Variants in PLXDC2 observed in about 807,000 individuals in gnomAD.
PLXDC2 encodes the protein plexin domain containing 2.
Under a neutral mutation model 68.9 loss-of-function variants are expected in PLXDC2, and 40 were observed. The ratio of observed to expected loss-of-function variants is 0.58; its 90% confidence interval spans 0.45 to 0.76. The LOEUF is 0.76. Ranked by LOEUF, PLXDC2 falls within the 30% of genes least tolerant of loss-of-function variation. The pLI is 0.00. For missense variants in PLXDC2, 644 were observed against 661.9 expected, an observed-to-expected ratio of 0.97 and a Z score of 0.30; for synonymous variants, 243 against 234.2, an observed-to-expected ratio of 1.04 and a Z score of -0.34.
At chr10:20,222,688 G>T (rs1304139700) in intron 12 of PLXDC2, among the ~76,000 whole-genome samples, 1 of 152,030 alleles carries the variant, frequency 6.6e-6, no homozygotes, top group Non-Finnish European at 1.5e-5. Context: ...TTCTAAAAAC[G>T]CAGATGATCC....
At chr10:19,861,582 T>C (rs1447360526) in intron 1 of PLXDC2, among the ~76,000 whole-genome samples, 1 of 152,210 alleles carries the variant, frequency 6.6e-6, no homozygotes, top group Non-Finnish European at 1.5e-5. Context: ...CTAAATGAGT[T>C]GAGTTCACCT....
At chr10:20,140,809 T>G (rs988390163) in intron 4 of PLXDC2, among the ~76,000 whole-genome samples, 2 of 152,218 alleles carry the variant, frequency 1.3e-5, no homozygotes, top group Admixed American at 1.3e-4. Context: ...CAATATTCCC[T>G]GAATTAGTAA....
At chr10:19,987,713 C>T (rs1485484657) in intron 1 of PLXDC2, among the ~76,000 whole-genome samples, 3 of 151,934 alleles carry the variant, frequency 2.0e-5, no homozygotes, top group East Asian at 1.9e-4. Context: ...AGGCGCCCGC[C>T]ACCACCCCCG....
chr10:20,066,356 T>C (rs1274228947), intron 3 of PLXDC2, among the ~76,000 whole-genome samples: 1 of 152,252 alleles, frequency 6.6e-6, no homozygotes, highest in Non-Finnish European at 1.5e-5. Flanking sequence ...TATTTGGTGG[T>C]AATTGATAGG....
chr10:19,974,420 A>T (rs993660851), intron 1 of PLXDC2, among the ~76,000 whole-genome samples: 8 of 152,262 alleles, frequency 5.3e-5, no homozygotes, highest in African/African-American at 1.7e-4. Context: ...CAACATTAAC[A>T]TGGAAATATG....
rs1049552370 is a variant in PLXDC2 at position 19,996,399 on chromosome 10, A to G, written c.113-5376A>G. On this transcript the variant is annotated intron_variant, in intron 1 of 13. Coordinates refer to ENST00000377252, the MANE Select transcript of PLXDC2 (RefSeq NM_032812.9). ...GGGTTTGAGGCCAGCCTGGGCTACA[A>G]AGTGAGACCCCATCTCTACAAAAAA... Among the ~76,000 whole-genome samples the G allele has an allele frequency of 3.3e-5, 5 of 152,152 alleles. No homozygotes were observed. The East Asian group carries it at 9.7e-4, about 29-fold the overall frequency.
At chr10:20,129,412 C>T (rs939490566) in intron 4 of PLXDC2, among the ~76,000 whole-genome samples, 7 of 152,006 alleles carry the variant, frequency 4.6e-5, no homozygotes, top group African/African-American at 1.7e-4. Flanking sequence ...TTCTCCCATT[C>T]TGTAGGTTTT....
intron 1 of PLXDC2, among the ~76,000 whole-genome samples, chr10:19,882,461 T>C (rs1470398046): frequency 6.6e-6 from 1 of 152,148 alleles, no homozygotes; most frequent in African/African-American, 2.4e-5. Flanking sequence ...AAGAGGTTAG[T>C]GAAGTTTGAA....
At chr10:20,226,419 G>A (rs1158094079) in intron 12 of PLXDC2, among the ~76,000 whole-genome samples, 1 of 152,144 alleles carries the variant, frequency 6.6e-6, no homozygotes, top group African/African-American at 2.4e-5. Context: ...GATTTAAGCT[G>A]TTGACAAATG....
At chr10:20,256,144 A>T (rs1054281911) in intron 13 of PLXDC2, among the ~76,000 whole-genome samples, 1 of 150,738 alleles carries the variant, frequency 6.6e-6, no homozygotes, top group Non-Finnish European at 1.5e-5. Flanking sequence ...TTATTTATTT[A>T]TTTTTTGAGA....
At chr10:19,873,497 A>G (rs906221490) in intron 1 of PLXDC2, among the ~76,000 whole-genome samples, 2 of 150,410 alleles carry the variant, frequency 1.3e-5, no homozygotes, top group South Asian at 2.1e-4. Context: ...TGCAGCCTCA[A>G]ACTCCTGGGT....
chr10:19,959,854 C>G (rs947959802), intron 1 of PLXDC2, among the ~76,000 whole-genome samples: 1 of 152,020 alleles, frequency 6.6e-6, no homozygotes, highest in Non-Finnish European at 1.5e-5. Context: ...AAATACAGAG[C>G]CACAGCCAGG....
intron 13 of PLXDC2, among the ~76,000 whole-genome samples, chr10:20,257,445 C>T (rs999240620): frequency 6.6e-5 from 10 of 151,476 alleles, no homozygotes; most frequent in East Asian, 1.9e-4. Context: ...GGTAACCCAA[C>T]GGCAAAAATA....
At chr10:20,025,225 T>C (rs78944341) in intron 2 of PLXDC2, among the ~76,000 whole-genome samples, 2,058 of 151,994 alleles carry the variant, frequency 0.014, 49 homozygotes, top group African/African-American at 0.047. Context: ...GTATAAGGGC[T>C]CCCTTTGCTT....
chr10:20,245,424 C>T lies in PLXDC2; in HGVS notation c.1392C>T (p.Val464=). ...TCATCATTGGAATCCTCATCCTGGT[C>T]CTCATTGTAGCCACAGCCATTCTTG... ...AGLIIGILIL[V]LIVATAILVT... is the part of the protein sequence containing the mutation. The change falls in exon 13 of 14, where the codon GTC becomes GTT. Residue 464 remains valine (V), a synonymous_variant. Transcript: ENST00000377252. 1 of 1,613,914 alleles carries T rather than the reference C, an allele frequency of 6.2e-7. No individual in the cohort carries two copies.
At chr10:20,218,718 A>G (rs937149580) in intron 11 of PLXDC2, among the ~76,000 whole-genome samples, 4 of 152,142 alleles carry the variant, frequency 2.6e-5, no homozygotes, top group Non-Finnish European at 5.9e-5. Flanking sequence ...TTTAAAATGA[A>G]TAAATAAGGT....
chr10:20,244,699 G>C (rs550659640), intron 12 of PLXDC2, among the ~76,000 whole-genome samples: 1 of 152,276 alleles, frequency 6.6e-6, no homozygotes, highest in East Asian at 1.9e-4. Flanking sequence ...CTTTTCCATA[G>C]GTAACTTTGG....
rs1191613913 is a variant in PLXDC2, at chr10:20,230,693, C to CAAAAAAAAAAAAAAAAAAA, written c.1312+11594_1312+11612dup. Among the ~76,000 whole-genome samples the CAAAAAAAAAAAAAAAAAAA allele has an allele frequency of 1.9e-4, 7 of 37,800 alleles. 1 individual carries two copies. The highest frequency in any genetic ancestry group is 2.5e-4 in the Non-Finnish European group (5 of 19,842). The allele number at this position is 37,800 out of a possible 152,430, so 24.8% of individuals were successfully genotyped here. A position where few individuals can be genotyped will look rare whatever the true frequency, so the allele number is the denominator to read the frequency against. The stretch of plus-strand genomic sequence containing the variant: ...TGGGCTACAGAGTGAGACCTTGTCT[C>CAAAAAAAAAAAAAAAAAAA]AAAAAAAAAAAAAAAAAAAAACAGG... On this transcript the variant is annotated intron_variant, in intron 12 of 13. Transcript: ENST00000377252.
intron 7 of PLXDC2, among the ~76,000 whole-genome samples, chr10:20,176,732 A>C (rs375608387): frequency 1.3e-5 from 2 of 152,138 alleles, no homozygotes; most frequent in Non-Finnish European, 2.9e-5. Flanking sequence ...TCTTTAGTAT[A>C]GTCTGAGTGA....
Sources: allele counts gnomAD v4.1 joint callset (sites outside exome capture counted in the v4.1 genomes callset), GRCh38; gene constraint gnomAD v4.1.1; transcripts MANE v1.5; gene names NCBI Gene and HGNC (gene_info 2026-07-23, HGNC 2026-07-21).